Variants in SOCS6 observed in about 807,000 individuals in gnomAD.
SOCS6 encodes suppressor of cytokine signaling 6.
SOCS6 carries 5 observed loss-of-function variants against 27.7 expected under a neutral mutation model. That is an observed-to-expected ratio of 0.18 (90% CI 0.09 to 0.38). The LOEUF (loss-of-function observed/expected upper bound fraction) is 0.38. Among genes scored for constraint, SOCS6 ranks in the 10% least tolerant of loss-of-function variants. The pLI, the probability that SOCS6 is intolerant of heterozygous loss-of-function variation, is 1.00. For missense variants in SOCS6, 595 were observed against 688.1 expected (o/e 0.86, Z 1.51); for synonymous variants, 271 against 260.0 (o/e 1.04, Z -0.41).
At chr18:70,317,550 T>TACACAC (rs1275864335) in intron 1 of SOCS6, among the ~76,000 whole-genome samples, 1 of 117,740 alleles carries the variant, frequency 8.5e-6, no homozygotes, top group African/African-American at 4.3e-5. Flanking sequence ...ACTTCATATA[T>TACACAC]ACATACACAC....
intron 1 of SOCS6, among the ~76,000 whole-genome samples, chr18:70,296,161 T>A (rs1160769861): frequency 6.6e-6 from 1 of 152,228 alleles, no homozygotes; most frequent in African/African-American, 2.4e-5. Flanking sequence ...TCATAGTGAC[T>A]TCCTGTGAAA....
At position 70,325,859 on chromosome 18, in the gene SOCS6, G is replaced by T; in HGVS notation, c.1191G>T (p.Lys397Asn). The T allele has an allele frequency of 6.2e-7, 1 of 1,614,222 alleles. No individual in the cohort carries two copies. The highest frequency in any genetic ancestry group is 1.1e-5 in the South Asian group (1 of 91,082). Residue 397 changes from lysine (K) to asparagine (N), a missense_variant, in exon 2 of 2, where the codon AAG (lysine) becomes AAT (asparagine). Around this residue, in one of 2 missense-constraint regions of SOCS6, gnomAD observed 128 missense variants for 207.0 expected, o/e 0.62. Coordinates refer to ENST00000397942, the MANE Select transcript of SOCS6 (RefSeq NM_004232.4). The surrounding 1 kb of genome is among the most constrained non-coding windows in gnomAD (Gnocchi z 6.3). ...TCACACGTTGGGAGGCAGAAGGGAA[G>T]CTAGCAAACGTGCCAGATGGTTCTT... ...GPITRWEAEG[K>N]LANVPDGSFL...
At chr18:70,321,791 T>G (rs981883523) in intron 1 of SOCS6, among the ~76,000 whole-genome samples, 1 of 152,150 alleles carries the variant, frequency 6.6e-6, no homozygotes, top group Admixed American at 6.5e-5. Flanking sequence ...TAGGACAGGT[T>G]GGCATAGGGG....
chr18:70,310,338 G>A (rs2062385535), intron 1 of SOCS6, among the ~76,000 whole-genome samples: 1 of 150,646 alleles, frequency 6.6e-6, no homozygotes, highest in Non-Finnish European at 1.5e-5. Context: ...GTGCAGTGGT[G>A]CAGTCACAGG....
intron 1 of SOCS6, among the ~76,000 whole-genome samples, chr18:70,310,868 A>C (rs2062388164): frequency 6.6e-6 from 1 of 152,180 alleles, no homozygotes; most frequent in Non-Finnish European, 1.5e-5. Flanking sequence ...ACTTGTATCC[A>C]TTCCTTGGTA....
chr18:70,305,080 A>T (rs982061135), intron 1 of SOCS6, among the ~76,000 whole-genome samples: 2 of 151,186 alleles, frequency 1.3e-5, no homozygotes, highest in Non-Finnish European at 2.9e-5. Flanking sequence ...GGTGGCATGC[A>T]CCTGTAATCC....
At position 70,325,258 on chromosome 18, in the gene SOCS6, A is replaced by G. The variant is rs1332274505; in HGVS notation, c.590A>G (p.His197Arg). ...AATTCACTGAAGAGCTCGGCTTCTC[A>G]TAATGGAGACCTGCATCTTCACCTG... is the stretch of plus-strand genomic sequence containing the variant. ...QANSLKSSASHNGDLHLHLDE... is the reference protein window; with the variant it reads ...QANSLKSSASRNGDLHLHLDE... Residue 197 changes from histidine to arginine, a missense_variant, in exon 2 of 2, where the codon CAT becomes CGT. His to Arg is a conservative substitution (Grantham distance 29). Coordinates refer to ENST00000397942, the MANE Select transcript of SOCS6 (RefSeq NM_004232.4). This position sits in a 1 kb window ranked among gnomAD's most constrained non-coding sequence, Gnocchi z 6.3. 4 of 1,614,216 alleles carry G rather than the reference A, an allele frequency of 2.5e-6. No individual in the cohort carries two copies. The highest frequency in any genetic ancestry group is 2.2e-5 in the East Asian group (1 of 44,882).
intron 1 of SOCS6, among the ~76,000 whole-genome samples, chr18:70,304,653 G>A (rs2062361627): frequency 1.3e-5 from 2 of 152,034 alleles, no homozygotes; most frequent in Non-Finnish European, 2.9e-5. Context: ...TTATATCTTG[G>A]TATCATCTCT....
At chr18:70,309,260 C>A (rs1568600140) in intron 1 of SOCS6, among the ~76,000 whole-genome samples, 1 of 151,766 alleles carries the variant, frequency 6.6e-6, no homozygotes, top group South Asian at 2.1e-4. Context: ...AATAAAAAAA[C>A]TTTTTAGCTT....
intron 1 of SOCS6, among the ~76,000 whole-genome samples, chr18:70,298,305 A>G (rs915088479): frequency 4.6e-5 from 7 of 152,178 alleles, no homozygotes; most frequent in African/African-American, 1.4e-4. Context: ...TCTTTTTCAT[A>G]GACAATTAAT....
At position 70,325,250 on chromosome 18, in the gene SOCS6, G is replaced by C. The variant is rs577555556; in HGVS notation, c.582G>C (p.Ser194=). ...CQEQANSLKS[S]ASHNGDLHLH... ...AGCAAGCCAATTCACTGAAGAGCTC[G>C]GCTTCTCATAATGGAGACCTGCATC... The change falls in exon 2 of 2, where the codon TCG becomes TCC. Residue 194 remains serine (S), a synonymous_variant. Transcript: ENST00000397942. The surrounding 1 kb of genome is among the most constrained non-coding windows in gnomAD (Gnocchi z 6.3). 2 of 1,614,050 alleles carry C rather than the reference G, an allele frequency of 1.2e-6. No individual in the cohort carries two copies. The highest frequency in any genetic ancestry group is 2.7e-5 in the African/African-American group (2 of 74,908).
chr18:70,320,097 T>C (rs1910921033), intron 1 of SOCS6, among the ~76,000 whole-genome samples: 1 of 152,114 alleles, frequency 6.6e-6, no homozygotes, highest in African/African-American at 2.4e-5. Context: ...GCTCAAGTGA[T>C]TCTCCTTCAG....
At chr18:70,303,951 T>C (rs1274764150) in intron 1 of SOCS6, among the ~76,000 whole-genome samples, 2 of 152,238 alleles carry the variant, frequency 1.3e-5, no homozygotes, top group Admixed American at 1.3e-4. Context: ...CATAAATGTG[T>C]TGAGTGAATT....
In SOCS6 at chr18:70,325,567, C is replaced by T. The variant is rs768551381; in HGVS notation, c.899C>T (p.Pro300Leu). 6.8e-6 allele frequency: 11 copies of T among 1,614,116 alleles called. No homozygotes were observed. Among genetic ancestry groups the T allele is most frequent in the Admixed American group, 3.3e-5 (2 of 60,026 alleles). ...ACCACGGGAGTCATGTTGCAGAGCC[C>T]GAGAGCGGGTCACGATGATGTCCCT... The part of the protein sequence containing the change: ...IGTTGVMLQS[P>L]RAGHDDVPPL... The change falls in exon 2 of 2, where the codon CCG becomes CTG. Residue 300 changes from proline (P) to leucine (L), a missense_variant. Physicochemically the swap from Pro to Leu is moderately conservative, Grantham distance 98. Transcript: ENST00000397942. This position sits in a 1 kb window ranked among gnomAD's most constrained non-coding sequence, Gnocchi z 6.3.
In SOCS6 at chr18:70,325,715, C is replaced by G; in HGVS notation, c.1047C>G (p.Asn349Lys). The change falls in exon 2 of 2, where the codon AAC (asparagine) becomes AAG (lysine). Residue 349 changes from asparagine (N) to lysine (K), a missense_variant. By Grantham distance (94) the Asn-to-Lys change is moderately conservative (BLOSUM62 0). Around this residue, in one of 2 missense-constraint regions of SOCS6, gnomAD observed 467 missense variants for 481.1 expected, o/e 0.97. Coordinates refer to ENST00000397942, the MANE Select transcript of SOCS6 (RefSeq NM_004232.4). This position sits in a 1 kb window ranked among gnomAD's most constrained non-coding sequence, Gnocchi z 6.3. Reference protein sequence around the residue: ...SMRCHLNFDPNSAPGVARVYD... With the variant: ...SMRCHLNFDPKSAPGVARVYD... ...GCTGTCATTTGAATTTTGATCCGAA[C>G]TCTGCTCCTGGGGTTGCAAGAGTTT... is the stretch of plus-strand genomic sequence containing the variant. 1 of 1,614,206 alleles carries G rather than the reference C, an allele frequency of 6.2e-7. No individual in the cohort carries two copies. The highest frequency in any genetic ancestry group is 2.2e-5 in the East Asian group (1 of 44,884).
Position 70,325,423 on chromosome 18 carries a change from C to T in SOCS6, c.755C>T (p.Ala252Val), listed in dbSNP as rs374835963. 58 of 1,614,222 alleles carry T rather than the reference C, an allele frequency of 3.6e-5. No individual in the cohort carries two copies. Among genetic ancestry groups the T allele is most frequent in the Non-Finnish European group, 4.4e-5 (52 of 1,180,038 alleles). The stretch of plus-strand genomic sequence containing the variant: ...AGCTCTTCTCCCATGGAAGTCTCTG[C>T]GGTTCCTCCTCAAGTGGGAGGGCGC... ...LDSSSPMEVSAVPPQVGGRAF... is the reference protein window; with the variant it reads ...LDSSSPMEVSVVPPQVGGRAF... The change falls in exon 2 of 2, where the codon GCG (alanine) becomes GTG (valine). Residue 252 changes from alanine to valine, a missense_variant. Transcript: ENST00000397942. This position sits in a 1 kb window ranked among gnomAD's most constrained non-coding sequence, Gnocchi z 6.3.
chr18:70,295,838 C>T (rs1017113613), intron 1 of SOCS6, among the ~76,000 whole-genome samples: 4 of 152,182 alleles, frequency 2.6e-5, no homozygotes, highest in Non-Finnish European at 5.9e-5. Context: ...TCACACACCA[C>T]ATTAGTAGTC....
Position 70,296,906 on chromosome 18 carries a change from C to CTTTTTTTTT in SOCS6, c.-127+7820_-127+7828dup, listed in dbSNP as rs375704179. ...TCCCTTTCATTTTCTCATTTTCTTT[C>CTTTTTTTTT]TTTTTTTTTTTTCTGTCTTAAGCTC... On this transcript the variant is annotated intron_variant, in intron 1 of 1. Transcript: ENST00000397942. Among the ~76,000 whole-genome samples, 6 of 129,158 alleles carry CTTTTTTTTT rather than the reference C, an allele frequency of 4.6e-5. No individual in the cohort carries two copies. In the East Asian group the frequency reaches 8.9e-4, roughly 19 times the overall value. The allele number at this position is 129,158 out of a possible 152,430, so 84.7% of individuals were successfully genotyped here.
chr18:70,294,612 A>G (rs1035786962), intron 1 of SOCS6, among the ~76,000 whole-genome samples: 3 of 152,230 alleles, frequency 2.0e-5, no homozygotes, highest in African/African-American at 7.2e-5. Flanking sequence ...ATGTGGGAAA[A>G]GTGTTTGAGA....
Sources: gnomAD v4.1 joint callset for allele counts (sites outside exome capture counted in the v4.1 genomes callset) on GRCh38, gnomAD v4.1.1 for gene constraint, gnomAD v4.1.1 regional missense constraint, Gnocchi (gnomAD v3.1) non-coding constraint, MANE v1.5 for transcripts, NCBI Gene and HGNC (gene_info 2026-07-23, HGNC 2026-07-21) for gene names.